Variants in BAG3 observed in about 807,000 individuals in gnomAD.
BAG3 encodes BAG cochaperone 3, also known as BAG family molecular chaperone regulator 3.
Under a neutral mutation model 40.5 loss-of-function variants are expected in BAG3, and 14 were observed. The observed-to-expected ratio is 0.35, with a 90% CI of 0.23 to 0.54. The LOEUF (loss-of-function observed/expected upper bound fraction) is 0.54. Ranked by LOEUF, BAG3 falls within the 20% of genes least tolerant of loss-of-function variation. The pLI, the probability that BAG3 is intolerant of heterozygous loss-of-function variation, is 0.91. For missense variants in BAG3, 788 were observed against 758.6 expected, an observed-to-expected ratio of 1.04 and a Z score of -0.46; for synonymous variants, 302 against 307.8, an observed-to-expected ratio of 0.98 and a Z score of 0.20.
intron 1 of BAG3, among the ~76,000 whole-genome samples, chr10:119,652,362 C>T (rs2038965610): frequency 6.6e-6 from 1 of 152,238 alleles, no homozygotes; most frequent in Non-Finnish European, 1.5e-5. Context: ...CTCAAGTTCT[C>T]CAACTTGGTT....
At position 119,677,513 on chromosome 10, in the gene BAG3, C is replaced by A; in HGVS notation, c.*231C>A. The A allele has an allele frequency of 1.7e-6, 1 of 592,362 alleles. No individual in the cohort carries two copies. The highest frequency in any genetic ancestry group is 2.9e-6 in the Non-Finnish European group (1 of 347,724). The allele number at this position is 592,362 out of a possible 1,614,324, so 36.7% of individuals were successfully genotyped here. ...TGCTTGTTGTTTGAGAAGTTTAACC[C>A]CGTTGCTTGTTGTTCTGCAGCCCTG... On this transcript the variant is annotated 3_prime_UTR_variant, in exon 4 of 4. Transcript: ENST00000369085.
Position 119,670,500 on chromosome 10 carries a change from C to T in BAG3, c.507+323C>T, listed in dbSNP as rs528583041. ...CAGGTGGAGGGAGCAGAGCTGGGACCGGAAGCCTGGCCTGCCTTCTGGCGC... is the reference window on the plus strand; with the variant it reads ...CAGGTGGAGGGAGCAGAGCTGGGACTGGAAGCCTGGCCTGCCTTCTGGCGC... On this transcript the variant is annotated intron_variant, in intron 2 of 3. Coordinates refer to ENST00000369085, the MANE Select transcript of BAG3 (RefSeq NM_004281.4). Among the ~76,000 whole-genome samples, 12 of 152,354 alleles carry T rather than the reference C, an allele frequency of 7.9e-5. No homozygotes were observed. The South Asian group carries it at 1.7e-3, about 21-fold the overall frequency.
At chr10:119,671,769 G>T (rs1847153442) in intron 2 of BAG3, among the ~76,000 whole-genome samples, 1 of 152,094 alleles carries the variant, frequency 6.6e-6, no homozygotes, top group African/African-American at 2.4e-5. Context: ...TTGTGTGTGT[G>T]TGTGTTTTGT....
chr10:119,675,200 G>T (rs985344720), intron 3 of BAG3, among the ~76,000 whole-genome samples: 2 of 152,096 alleles, frequency 1.3e-5, no homozygotes, highest in African/African-American at 4.8e-5. Context: ...AGGCATGATG[G>T]TATGTGCCTG....
chr10:119,655,603 A>G (rs943127134), intron 1 of BAG3, among the ~76,000 whole-genome samples: 5 of 152,192 alleles, frequency 3.3e-5, no homozygotes, highest in African/African-American at 2.4e-5. Flanking sequence ...GGCGGAGCAC[A>G]ATCAGGAAAT....
chr10:119,677,357 C>CT lies in BAG3; in HGVS notation c.*78dup. On this transcript the variant is annotated 3_prime_UTR_variant, in exon 4 of 4. Coordinates refer to ENST00000369085, the MANE Select transcript of BAG3 (RefSeq NM_004281.4). ...TTTTAAGTTGCATGCATTTCAGAGA[C>CT]TTTAAGTCAGTTGGTTTTTATTAGC... is the stretch of plus-strand genomic sequence containing the variant. The CT allele has an allele frequency of 1.9e-6, 3 of 1,583,860 alleles. No individual in the cohort carries two copies. The highest frequency in any genetic ancestry group is 1.1e-5 in the South Asian group (1 of 89,486).
chr10:119,669,647 G>A (rs1847114896), intron 1 of BAG3, among the ~76,000 whole-genome samples: 1 of 152,204 alleles, frequency 6.6e-6, no homozygotes, highest in Non-Finnish European at 1.5e-5. Flanking sequence ...TTCTCCTGAT[G>A]CCCCTAATTC....
chr10:119,667,846 A>C (rs1165723176), intron 1 of BAG3, among the ~76,000 whole-genome samples: 1 of 152,248 alleles, frequency 6.6e-6, no homozygotes, highest in Non-Finnish European at 1.5e-5. Flanking sequence ...GGCAGCCAGC[A>C]AAAATGACAC....
intron 1 of BAG3, among the ~76,000 whole-genome samples, chr10:119,661,805 C>T (rs1846995192): frequency 6.6e-6 from 1 of 152,062 alleles, no homozygotes; most frequent in Admixed American, 6.6e-5. Context: ...GTTTATTATT[C>T]AGAATTTTCC....
chr10:119,660,472 A>C (rs1846977473), intron 1 of BAG3, among the ~76,000 whole-genome samples: 1 of 152,208 alleles, frequency 6.6e-6, no homozygotes, highest in South Asian at 2.1e-4. Flanking sequence ...CTTGCTAATT[A>C]GTCCTCTTAA....
chr10:119,656,597 TCATCTGTATG>T (rs1846915708), intron 1 of BAG3: 1 of 152,138 alleles, frequency 6.6e-6, no homozygotes, highest in Non-Finnish European at 1.5e-5. Flanking sequence ...GGTGCAGGAT[TCATCTGTATG>T]CATCATGTGG....
rs771379373 is a variant in BAG3, at chr10:119,651,828, C to T, written c.153C>T (p.Asp51=). ...ACAGCCGCACCACTACGTGGAACGA[C>T]CCGCGCGTGCCCTCTGAGGGCCCCA... ...DHNSRTTTWN[D]PRVPSEGPKE... is the part of the protein sequence containing the mutation. The change falls in exon 1 of 4, where the codon GAC becomes GAT. Residue 51 remains aspartate, a synonymous_variant. Coordinates refer to ENST00000369085, the MANE Select transcript of BAG3 (RefSeq NM_004281.4). The T allele has an allele frequency of 2.5e-6, 4 of 1,589,030 alleles. No homozygotes were observed. In the Admixed American group the frequency reaches 7.0e-5, roughly 28 times the overall value.
rs142376294 is a variant in BAG3 at position 119,675,277 on chromosome 10, G to C, written c.910-1187G>C. Among the ~76,000 whole-genome samples, 67 of 151,994 alleles carry C rather than the reference G, an allele frequency of 4.4e-4. 1 individual carries two copies. In the East Asian group the frequency reaches 0.012, roughly 28 times the overall value. On this transcript the variant is annotated intron_variant, in intron 3 of 3. Transcript: ENST00000369085. ...GAGGCCAGAAGGTTGAGGCTGCATT[G>C]AGCTGTGATAGCCCCGCTGCACTCC...
At chr10:119,660,711 A>T (rs1190003076) in intron 1 of BAG3, among the ~76,000 whole-genome samples, 1 of 152,026 alleles carries the variant, frequency 6.6e-6, no homozygotes, top group Non-Finnish European at 1.5e-5. Context: ...TATTTTTTTA[A>T]AAAAAGAATT....
At chr10:119,667,442 G>A (rs756019164) in intron 1 of BAG3, among the ~76,000 whole-genome samples, 2 of 152,060 alleles carry the variant, frequency 1.3e-5, no homozygotes, top group East Asian at 1.9e-4. Context: ...GGCTAGCTCC[G>A]TTTTCTAGAA....
rs74609563 is a variant in BAG3 at position 119,657,528 on chromosome 10, C to T, written c.180+5673C>T. 1.9e-3 allele frequency: 907 copies of T among 471,100 alleles called. 9 individuals are homozygous for T. The highest frequency in any genetic ancestry group is 0.016 in the African/African-American group (811 of 50,164). 29.2% of individuals were successfully genotyped at this position (471,100 alleles called of 1,614,324 possible). On this transcript the variant is annotated intron_variant, in intron 1 of 3. Coordinates refer to ENST00000369085, the MANE Select transcript of BAG3 (RefSeq NM_004281.4). ...GGGTAGAACATGGGCCTGCCCAGAG[C>T]GCGAAGGCAGATACAGAAGAGCTGC...
At chr10:119,660,569 GGC>G (rs1254913503) in intron 1 of BAG3, among the ~76,000 whole-genome samples, 20 of 152,162 alleles carry the variant, frequency 1.3e-4, no homozygotes, top group African/African-American at 4.6e-4. Flanking sequence ...TGTTGAACAG[GGC>G]GCGGTGGCTC....
At chr10:119,676,422 T>C (rs1310424874) in intron 3 of BAG3, 42 bp from the exon 4 acceptor site, 4 of 1,598,832 alleles carry the variant, frequency 2.5e-6, no homozygotes, top group Admixed American at 3.3e-5. Context: ...TCTGTGACTT[T>C]CAGTCAGTTA....
chr10:119,657,343 A>G (rs938994635), intron 1 of BAG3: 5 of 334,318 alleles, frequency 1.5e-5, no homozygotes, highest in African/African-American at 1.1e-4. Context: ...TATTATTTTA[A>G]TTTGAATCTT....
Sources: gnomAD v4.1 joint callset for allele counts (sites outside exome capture counted in the v4.1 genomes callset) on GRCh38, gnomAD v4.1.1 for gene constraint, MANE v1.5 for transcripts, NCBI Gene and HGNC (gene_info 2026-07-23, HGNC 2026-07-21) for gene names.